Variants in SLC4A10 observed in about 807,000 individuals in gnomAD.
The protein encoded by SLC4A10 is sodium-driven chloride bicarbonate exchanger.
In SLC4A10, 42 loss-of-function variants were observed where a neutral mutation model predicts 137.7. The observed-to-expected ratio is 0.30, with a 90% CI of 0.24 to 0.39. SLC4A10 has a LOEUF of 0.39. Among genes scored for constraint, SLC4A10 ranks in the 10% least tolerant of loss-of-function variants. The pLI, the probability that SLC4A10 is intolerant of heterozygous loss-of-function variation, is 1.00. For synonymous variants in SLC4A10, 474 were observed against 464.1 expected, an observed-to-expected ratio of 1.02 and a Z score of -0.27; for missense variants, 925 against 1,355.0, an observed-to-expected ratio of 0.68 and a Z score of 4.98.
intron 5 of SLC4A10, among the ~76,000 whole-genome samples, chr2:161,862,634 T>C (rs1181791912): frequency 6.6e-6 from 1 of 152,196 alleles, no homozygotes; most frequent in African/African-American, 2.4e-5. Flanking sequence ...ATAAGAATTA[T>C]ATATTTAAAT....
chr2:161,899,191 C>A (rs1195843731), intron 11 of SLC4A10, among the ~76,000 whole-genome samples: 2 of 152,078 alleles, frequency 1.3e-5, no homozygotes, highest in African/African-American at 4.8e-5. Context: ...TACCAATTCT[C>A]CTCTTTCTCT....
At chr2:161,793,725 G>T (rs1042023694) in intron 2 of SLC4A10, among the ~76,000 whole-genome samples, 5 of 152,100 alleles carry the variant, frequency 3.3e-5, no homozygotes, top group Non-Finnish European at 7.4e-5. Context: ...ATAAGCTTTT[G>T]TCTGGTCTCT....
rs1697367478 is a variant in SLC4A10, at chr2:161,965,188, A to C, written c.3159+15A>C. The C allele has an allele frequency of 6.3e-7, 1 of 1,591,508 alleles. No homozygotes were observed. ...CTGAAAAAGAAGTAAGAGCAAAATC[A>C]ATGTTTTATAAAGAAAGAAAAAAGG... On this transcript the variant is annotated intron_variant, in intron 23 of 26. Coordinates refer to ENST00000446997, the MANE Select transcript of SLC4A10 (RefSeq NM_001178015.2).
At chr2:161,642,923 A>C (rs928755567) in intron 1 of SLC4A10, among the ~76,000 whole-genome samples, 4 of 151,946 alleles carry the variant, frequency 2.6e-5, no homozygotes, top group African/African-American at 9.7e-5. Context: ...CATTTGGTTC[A>C]AGTTTTCTTT....
In SLC4A10 at chr2:161,824,873, T is replaced by C. The variant is rs566154151; in HGVS notation, c.278-14916T>C. On this transcript the variant is annotated intron_variant, in intron 3 of 26. Coordinates refer to ENST00000446997, the MANE Select transcript of SLC4A10 (RefSeq NM_001178015.2). ...AAGTTACATCAAGTGTGTCTGCCTCTCTTGCCTCCCCTTCTACCTTTTCTG... is the reference window on the plus strand; with the variant it reads ...AAGTTACATCAAGTGTGTCTGCCTCCCTTGCCTCCCCTTCTACCTTTTCTG... Among the ~76,000 whole-genome samples, 69 of 152,186 alleles carry C rather than the reference T, an allele frequency of 4.5e-4. 2 individuals are homozygous for C. The highest frequency in any genetic ancestry group is 8.1e-4 in the Non-Finnish European group (55 of 68,026).
intron 1 of SLC4A10, among the ~76,000 whole-genome samples, chr2:161,752,009 C>T (rs1421568839): frequency 6.6e-6 from 1 of 151,910 alleles, no homozygotes; most frequent in Non-Finnish European, 1.5e-5. Context: ...TACATAAGAT[C>T]AATTCACTTT....
At chr2:161,668,676 C>T (rs974150986) in intron 1 of SLC4A10, among the ~76,000 whole-genome samples, 1 of 151,740 alleles carries the variant, frequency 6.6e-6, no homozygotes, top group African/African-American at 2.4e-5. Flanking sequence ...TATTTCAATT[C>T]TCATATGTTG....
At chr2:161,839,745 G>A (rs2084544) in intron 3 of SLC4A10, 44 bp from the exon 4 acceptor site, 114,633 of 1,604,350 alleles carry the variant, frequency 0.071, 4,647 homozygotes, top group East Asian at 0.14. Flanking sequence ...GCTCAGGGTC[G>A]TGGTAATACA....
rs192469896 is a variant in SLC4A10, at chr2:161,914,277, T to C, written c.1997+8390T>C. Among the ~76,000 whole-genome samples, 242 of 152,218 alleles carry C rather than the reference T, an allele frequency of 1.6e-3. 1 individual carries two copies. Among genetic ancestry groups the C allele is most frequent in the African/African-American group, 5.5e-3 (230 of 41,530 alleles). On this transcript the variant is annotated intron_variant, in intron 15 of 26. Coordinates refer to ENST00000446997, the MANE Select transcript of SLC4A10 (RefSeq NM_001178015.2). ...TAAATACAACTCTGAAAAAGAAAAGTTTAATTTATGAAAACATTCTGTGCT... is the reference window on the plus strand; with the variant it reads ...TAAATACAACTCTGAAAAAGAAAAGCTTAATTTATGAAAACATTCTGTGCT...
intron 2 of SLC4A10, 80 bp from the exon 3 acceptor site, chr2:161,804,369 T>A: frequency 7.1e-7 from 1 of 1,411,278 alleles, no homozygotes; most frequent in Non-Finnish European, 9.6e-7. Context: ...TTAAATTGAG[T>A]CTCCATTAAC....
At chr2:161,942,588 T>C (rs1277933162) in intron 15 of SLC4A10, among the ~76,000 whole-genome samples, 1 of 152,142 alleles carries the variant, frequency 6.6e-6, no homozygotes, top group Non-Finnish European at 1.5e-5. Flanking sequence ...CAGGAAACAC[T>C]GTAGAGTAGT....
rs188572384 is a variant in SLC4A10, at chr2:161,626,810, T to C, written c.48+2244T>C. On this transcript the variant is annotated intron_variant, in intron 1 of 26. Transcript: ENST00000446997. ...CAGAAATTGTTTTAAAAATTCAATA[T>C]TTTTTACATTACATTCTTAACCAAG... 4.3e-3 allele frequency among the ~76,000 whole-genome samples: 659 copies of C among 151,936 alleles called. 4 individuals are homozygous for C. The highest frequency in any genetic ancestry group is 7.7e-3 in the Non-Finnish European group (522 of 67,996).
chr2:161,669,290 C>T (rs965577091), intron 1 of SLC4A10, among the ~76,000 whole-genome samples: 5 of 151,712 alleles, frequency 3.3e-5, no homozygotes, highest in African/African-American at 1.2e-4. Flanking sequence ...ATTGCTTATG[C>T]AGGAACAGTG....
chr2:161,969,017 T>A (rs540420070), intron 23 of SLC4A10, among the ~76,000 whole-genome samples: 1 of 152,364 alleles, frequency 6.6e-6, no homozygotes, highest in African/African-American at 2.4e-5. Context: ...CCAGAAATGT[T>A]GCATTTCTGC....
chr2:161,914,509 T>C lies in SLC4A10; in HGVS notation c.1997+8622T>C, dbSNP rs867147376. ...TGCTTCAACTCCCCCTACTATAATATATCACTTCTCTCTTCATTACAAATG... is the reference window on the plus strand; with the variant it reads ...TGCTTCAACTCCCCCTACTATAATACATCACTTCTCTCTTCATTACAAATG... On this transcript the variant is annotated intron_variant, in intron 15 of 26. Transcript: ENST00000446997. 2.6e-5 allele frequency among the ~76,000 whole-genome samples: 4 copies of C among 152,196 alleles called. No homozygotes were observed. In the South Asian group the frequency reaches 8.3e-4, roughly 32 times the overall value.
chr2:161,627,506 T>C (rs1050700646), intron 1 of SLC4A10, among the ~76,000 whole-genome samples: 1 of 152,128 alleles, frequency 6.6e-6, no homozygotes, highest in African/African-American at 2.4e-5. Context: ...GTATTAATCC[T>C]GACTCAAGTG....
At chr2:161,980,092 A>G (rs1700001363) in intron 26 of SLC4A10, among the ~76,000 whole-genome samples, 1 of 152,202 alleles carries the variant, frequency 6.6e-6, no homozygotes, top group African/African-American at 2.4e-5. Flanking sequence ...ATTAACGACC[A>G]CATTGCATCA....
chr2:161,925,426 T>G (rs890632789), intron 15 of SLC4A10, among the ~76,000 whole-genome samples: 6 of 152,214 alleles, frequency 3.9e-5, no homozygotes, highest in African/African-American at 1.4e-4. Context: ...ATTGTGTCTA[T>G]TTGATTCATC....
At chr2:161,851,771 G>A (rs900208672) in intron 4 of SLC4A10, among the ~76,000 whole-genome samples, 4 of 152,134 alleles carry the variant, frequency 2.6e-5, no homozygotes, top group African/African-American at 9.7e-5. Flanking sequence ...TATTGTATGG[G>A]TAAGTTTATA....
Sources: allele counts gnomAD v4.1 joint callset (sites outside exome capture counted in the v4.1 genomes callset), GRCh38; gene constraint gnomAD v4.1.1; transcripts MANE v1.5; gene names NCBI Gene and HGNC (gene_info 2026-07-23, HGNC 2026-07-21).